The following BHMT2 variants were observed in gnomAD, a reference collection of about 807,000 sequenced individuals.
BHMT2 encodes S-methylmethionine--homocysteine S-methyltransferase BHMT2.
In BHMT2, 28 loss-of-function variants were observed where a neutral mutation model predicts 39.0. That is an observed-to-expected ratio of 0.72 (90% CI 0.53 to 0.98). The LOEUF is 0.98. Among genes scored for constraint, BHMT2 ranks in the 50% least tolerant of loss-of-function variants. BHMT2 has a pLI of 0.00. For synonymous variants in BHMT2, 145 were observed against 160.6 expected, an observed-to-expected ratio of 0.90 and a Z score of 0.74; for missense variants, 410 against 455.6, an observed-to-expected ratio of 0.90 and a Z score of 0.91.
intron 7 of BHMT2, among the ~76,000 whole-genome samples, chr5:79,086,823 G>A (rs1755904706): frequency 6.6e-6 from 1 of 151,746 alleles, no homozygotes; most frequent in Non-Finnish European, 1.5e-5. Context: ...TTTCCCTGAG[G>A]TCTTATAATT....
intron 2 of BHMT2, chr5:79,078,249 A>G (rs1399596530): frequency 1.4e-5 from 2 of 148,072 alleles, no homozygotes; most frequent in African/African-American, 2.6e-5. Context: ...ACAGTTTTAT[A>G]TCATCCTCCT....
At chr5:79,083,442 T>C in intron 6 of BHMT2, 68 bp downstream of exon 6, 1 of 1,522,092 alleles carries the variant, frequency 6.6e-7, no homozygotes, top group Non-Finnish European at 8.8e-7. Context: ...TATAATAAAT[T>C]GTGGCCCAGT....
intron 1 of BHMT2, chr5:79,071,075 T>C (rs1755558899): frequency 6.6e-6 from 1 of 152,262 alleles, no homozygotes. Context: ...GTTTTTAAAA[T>C]GCCCTGTTTT....
chr5:79,088,495 C>T lies in BHMT2; in HGVS notation c.1013C>T (p.Ala338Val), dbSNP rs1361788977. The stretch of plus-strand genomic sequence containing the variant: ...ATTATGTATATATTGAAACACAGGG[C>T]TCGAAGGGAGTATTGGGAGAATCTG... ...MHTKPWIRAR[A>V]RREYWENLLP... Residue 338 changes from alanine (A) to valine (V), a missense_variant and splice_region_variant, in exon 8 of 8, where the codon GCT becomes GTT. Ala to Val is a moderately conservative substitution (Grantham distance 64). Transcript: ENST00000255192. The T allele has an allele frequency of 2.5e-6, 4 of 1,613,136 alleles. No individual in the cohort carries two copies. The East Asian group carries it at 6.7e-5, about 27-fold the overall frequency.
chr5:79,075,772 G>A (rs1055787133), intron 1 of BHMT2, among the ~76,000 whole-genome samples: 1 of 152,348 alleles, frequency 6.6e-6, no homozygotes. Flanking sequence ...TAGACCAAGT[G>A]AAATGGGAAA....
intron 3 of BHMT2, 51 bp downstream of exon 3, chr5:79,079,511 A>G: frequency 7.7e-7 from 1 of 1,301,976 alleles, no homozygotes; most frequent in Non-Finnish European, 1.1e-6. Flanking sequence ...TTAAAAAATA[A>G]CCTCTTCATG....
intron 7 of BHMT2, among the ~76,000 whole-genome samples, chr5:79,088,209 G>A (rs1383906920): frequency 3.3e-5 from 5 of 152,062 alleles, no homozygotes; most frequent in African/African-American, 9.7e-5. Context: ...ATTGAAATAC[G>A]TTGTCTTTTT....
At chr5:79,076,262 C>T (rs1038481915) in intron 1 of BHMT2, among the ~76,000 whole-genome samples, 3 of 152,124 alleles carry the variant, frequency 2.0e-5, no homozygotes, top group South Asian at 2.1e-4. Context: ...ATTCTGCCAC[C>T]GATGGCCTGC....
In BHMT2 at chr5:79,084,806, A is replaced by G. The variant is rs150462097; in HGVS notation, c.1010+950A>G. Among the ~76,000 whole-genome samples the G allele has an allele frequency of 1.6e-4, 24 of 152,338 alleles. No homozygotes were observed. The East Asian group carries it at 4.6e-3, about 29-fold the overall frequency. The stretch of plus-strand genomic sequence containing the variant: ...ACCCTTTATGAAAGCTGAGGGATTT[A>G]AATCACATAGGCTTCCCCTTTTCCC... On this transcript the variant is annotated intron_variant, in intron 7 of 7. Coordinates refer to ENST00000255192, the MANE Select transcript of BHMT2 (RefSeq NM_017614.5).
At chr5:79,081,970 T>C (rs1450238759) in intron 4 of BHMT2, among the ~76,000 whole-genome samples, 1 of 152,150 alleles carries the variant, frequency 6.6e-6, no homozygotes, top group Non-Finnish European at 1.5e-5. Flanking sequence ...CCAACCCCAC[T>C]GGGAACAGTC....
chr5:79,087,927 C>T (rs1238905890), intron 7 of BHMT2, among the ~76,000 whole-genome samples: 1 of 152,144 alleles, frequency 6.6e-6, no homozygotes, highest in African/African-American at 2.4e-5. Flanking sequence ...CACCTGTAAT[C>T]CCAGTACTTT....
At chr5:79,081,286 G>A (rs1043536547) in intron 4 of BHMT2, among the ~76,000 whole-genome samples, 1 of 152,158 alleles carries the variant, frequency 6.6e-6, no homozygotes, top group Non-Finnish European at 1.5e-5. Context: ...GGCTATCCAG[G>A]CTCGTCTAGG....
At position 79,089,468 on chromosome 5, in the gene BHMT2, A is replaced by C. The variant is rs1237236881; in HGVS notation, c.*894A>C. The C allele has an allele frequency of 6.7e-6, 1 of 150,032 alleles. No homozygotes were observed. The highest frequency in any genetic ancestry group is 2.5e-5 in the African/African-American group (1 of 40,082). 9.3% of individuals were successfully genotyped at this position (150,032 alleles called of 1,614,324 possible). A position where few individuals can be genotyped will look rare whatever the true frequency, so the allele number is the denominator to read the frequency against. Reference sequence around the variant, plus strand: ...TCCATCTCAAAAAAAAAAAAAAAAGATATTAGGTCCTAGAATTTTTAAAAT... The same window carrying C: ...TCCATCTCAAAAAAAAAAAAAAAAGCTATTAGGTCCTAGAATTTTTAAAAT... On this transcript the variant is annotated 3_prime_UTR_variant, in exon 8 of 8. Transcript: ENST00000255192.
chr5:79,083,840 C>T lies in BHMT2; in HGVS notation c.994C>T (p.Pro332Ser), dbSNP rs1382933300. The T allele has an allele frequency of 6.2e-7, 1 of 1,613,700 alleles. No homozygotes were observed. Among genetic ancestry groups the T allele is most frequent in the Non-Finnish European group, 8.5e-7 (1 of 1,179,890 alleles). The change falls in exon 7 of 8, where the codon CCC becomes TCC. Residue 332 changes from proline (P) to serine (S), a missense_variant. Physicochemically the swap from Pro to Ser is moderately conservative, Grantham distance 74. Coordinates refer to ENST00000255192, the MANE Select transcript of BHMT2 (RefSeq NM_017614.5). ...AAGTGGTTTGGACATGCACACCAAA[C>T]CCTGGATTAGAGCAAGGTAAGCATT... is the stretch of plus-strand genomic sequence containing the variant. The part of the protein sequence containing the change: ...WGSGLDMHTK[P>S]WIRARARREY...
intron 4 of BHMT2, among the ~76,000 whole-genome samples, chr5:79,081,954 G>A (rs186056820): frequency 5.8e-4 from 88 of 152,192 alleles, no homozygotes; most frequent in South Asian, 1.0e-3. Context: ...TCCTGCCCAC[G>A]CCTGGCCAAC....
rs369428094 is a variant in BHMT2 at position 79,071,933 on chromosome 5, A to C, written c.33+2118A>C. Among the ~76,000 whole-genome samples the C allele has an allele frequency of 1.2e-4, 19 of 152,222 alleles. 1 individual carries two copies. The highest frequency in any genetic ancestry group is 6.5e-4 in the Admixed American group (10 of 15,284). On this transcript the variant is annotated intron_variant, in intron 1 of 7. Coordinates refer to ENST00000255192, the MANE Select transcript of BHMT2 (RefSeq NM_017614.5). The stretch of plus-strand genomic sequence containing the variant: ...GGGCTAAAAGATGCTCTGATCTCAA[A>C]TCTTGATAACTTAGTTATTTTGCTA...
In BHMT2 at chr5:79,079,401, G is replaced by A. The variant is rs1241061533; in HGVS notation, c.199G>A (p.Gly67Arg). Residue 67 changes from glycine to arginine, a missense_variant, in exon 3 of 8, where the codon GGA becomes AGA. Gly to Arg is a moderately radical substitution (Grantham distance 125, BLOSUM62 -2). Coordinates refer to ENST00000255192, the MANE Select transcript of BHMT2 (RefSeq NM_017614.5). ...RQLHMEFLRAGSNVMQTFTFS... is the reference protein window; with the variant it reads ...RQLHMEFLRARSNVMQTFTFS... ...ACTTCACATGGAATTCTTGAGAGCA[G>A]GATCAAATGTCATGCAGACTTTTAC... is the stretch of plus-strand genomic sequence containing the variant. 1 of 1,613,886 alleles carries A rather than the reference G, an allele frequency of 6.2e-7. No individual in the cohort carries two copies. The highest frequency in any genetic ancestry group is 8.5e-7 in the Non-Finnish European group (1 of 1,179,890).
intron 7 of BHMT2, among the ~76,000 whole-genome samples, chr5:79,086,341 TTG>T (rs1755893727): frequency 6.6e-6 from 1 of 152,182 alleles, no homozygotes; most frequent in Non-Finnish European, 1.5e-5. Flanking sequence ...CATTGTTCTC[TTG>T]TGGTCCAGAT....
intron 7 of BHMT2, among the ~76,000 whole-genome samples, chr5:79,084,888 T>G (rs1755864790): frequency 6.6e-6 from 1 of 152,236 alleles, no homozygotes; most frequent in South Asian, 2.1e-4. Flanking sequence ...GTTGGATATC[T>G]TTTTAAGTTA....
Sources: gnomAD v4.1 joint callset for allele counts (sites outside exome capture counted in the v4.1 genomes callset) on GRCh38, gnomAD v4.1.1 for gene constraint, MANE v1.5 for transcripts, NCBI Gene and HGNC (gene_info 2026-07-23, HGNC 2026-07-21) for gene names.